Variants in GPC6 observed in about 807,000 individuals in gnomAD.
The protein encoded by GPC6 is glypican 6.
GPC6 carries 14 observed loss-of-function variants against 55.2 expected under a neutral mutation model. The ratio of observed to expected loss-of-function variants is 0.25; its 90% CI spans 0.17 to 0.40. The LOEUF is 0.40. Ranked by LOEUF, GPC6 falls within the 10% of genes least tolerant of loss-of-function variation. GPC6 has a pLI of 1.00. For missense variants in GPC6, 641 were observed against 708.5 expected (o/e 0.90, Z 1.08); for synonymous variants, 278 against 259.6 (o/e 1.07, Z -0.68).
At chr13:93,722,862 T>G (rs922833416) in intron 2 of GPC6, among the ~76,000 whole-genome samples, 3 of 151,854 alleles carry the variant, frequency 2.0e-5, no homozygotes, top group Non-Finnish European at 4.4e-5. Flanking sequence ...CATCATTGCC[T>G]GTCCCTCTTC....
intron 7 of GPC6, among the ~76,000 whole-genome samples, chr13:94,387,472 T>C (rs17253885): frequency 0.056 from 8,492 of 152,308 alleles, 336 homozygotes; most frequent in South Asian, 0.19. Flanking sequence ...ATAATCTCAA[T>C]ACAAATAGTT....
chr13:94,091,037 C>T lies in GPC6; in HGVS notation c.877+63143C>T, dbSNP rs570379330. 3.9e-5 allele frequency among the ~76,000 whole-genome samples: 6 copies of T among 152,216 alleles called. No individual in the cohort carries two copies. In the South Asian group the frequency reaches 1.0e-3, roughly 26 times the overall value. ...GTCACAAAATGTCAGTCAATGGGTGCTAATGTGTTTCTATCATTTCATCAA... is the reference window on the plus strand; with the variant it reads ...GTCACAAAATGTCAGTCAATGGGTGTTAATGTGTTTCTATCATTTCATCAA... On this transcript the variant is annotated intron_variant, in intron 4 of 8. Transcript: ENST00000377047.
chr13:94,126,740 C>G (rs1379865832), intron 4 of GPC6, among the ~76,000 whole-genome samples: 1 of 152,058 alleles, frequency 6.6e-6, no homozygotes, highest in African/African-American at 2.4e-5. Flanking sequence ...TGTTTTTGGA[C>G]CTGTACACTT....
At chr13:94,048,486 G>A (rs74111421) in intron 4 of GPC6, among the ~76,000 whole-genome samples, 3,621 of 151,972 alleles carry the variant, frequency 0.024, 149 homozygotes, top group African/African-American at 0.078. Context: ...ATGAGCAGTG[G>A]GCGCCATTTG....
At chr13:93,623,963 C>T (rs1879080980) in intron 2 of GPC6, among the ~76,000 whole-genome samples, 1 of 151,776 alleles carries the variant, frequency 6.6e-6, no homozygotes, top group Non-Finnish European at 1.5e-5. Flanking sequence ...TATTTGTGTT[C>T]CTTGAATATT....
At chr13:93,489,721 C>T (rs889117112) in intron 1 of GPC6, among the ~76,000 whole-genome samples, 1 of 151,400 alleles carries the variant, frequency 6.6e-6, no homozygotes, top group African/African-American at 2.4e-5. Flanking sequence ...GTATTTTATT[C>T]TCTTTGAAGC....
At chr13:93,860,710 T>A (rs917161542) in intron 3 of GPC6, among the ~76,000 whole-genome samples, 1 of 151,636 alleles carries the variant, frequency 6.6e-6, no homozygotes, top group Non-Finnish European at 1.5e-5. Flanking sequence ...CATTAACTTG[T>A]GTATGTGTTA....
intron 4 of GPC6, among the ~76,000 whole-genome samples, chr13:94,154,593 GC>G (rs1887860887): frequency 6.6e-6 from 1 of 152,126 alleles, no homozygotes; most frequent in South Asian, 2.1e-4. Flanking sequence ...AAGGCTATCA[GC>G]CTTGGAATCA....
intron 2 of GPC6, among the ~76,000 whole-genome samples, chr13:93,589,920 A>G (rs113800900): frequency 5.3e-5 from 8 of 152,180 alleles, no homozygotes; most frequent in African/African-American, 1.7e-4. Context: ...AGAGCAAATC[A>G]TTTATACATA....
chr13:94,277,027 C>T (rs375396527), intron 4 of GPC6, among the ~76,000 whole-genome samples: 88 of 152,216 alleles, frequency 5.8e-4, no homozygotes, highest in Middle Eastern at 6.8e-3. Context: ...TCTTCCAAAA[C>T]GGTTGAACTA....
At chr13:93,799,606 C>T (rs985153703) in intron 2 of GPC6, among the ~76,000 whole-genome samples, 5 of 152,310 alleles carry the variant, frequency 3.3e-5, no homozygotes, top group East Asian at 1.9e-4. Flanking sequence ...GTAGAAGGCA[C>T]ATCGGATCTG....
Position 94,096,443 on chromosome 13 carries a change from A to G in GPC6, c.877+68549A>G, listed in dbSNP as rs78684720. ...CCTGCCCTTAGCCGGGCTCCTGTGT[A>G]TAAACCAATATATTTGAGAGGCTCT... is the stretch of plus-strand genomic sequence containing the variant. On this transcript the variant is annotated intron_variant, in intron 4 of 8. Transcript: ENST00000377047. Among the ~76,000 whole-genome samples the G allele has an allele frequency of 1.8e-3, 279 of 152,132 alleles. 2 individuals are homozygous for G. Among genetic ancestry groups the G allele is most frequent in the African/African-American group, 5.7e-3 (237 of 41,510 alleles).
At chr13:93,676,121 AAAAAAATATATATATATAT>A (rs1356206640) in intron 2 of GPC6, among the ~76,000 whole-genome samples, 23 of 11,988 alleles carry the variant, frequency 1.9e-3, no homozygotes, top group East Asian at 9.2e-3. Flanking sequence ...AAAAAAAAAA[AAAAAAATATATATATATAT>A]ATATATATAT....
intron 1 of GPC6, among the ~76,000 whole-genome samples, chr13:93,506,766 C>T (rs1399454847): frequency 2.0e-5 from 3 of 149,776 alleles, no homozygotes; most frequent in Non-Finnish European, 4.4e-5. Context: ...GTAGGCCGGG[C>T]GTGGTGGCTC....
intron 1 of GPC6, among the ~76,000 whole-genome samples, chr13:93,488,314 G>A (rs867178459): frequency 9.9e-5 from 15 of 152,094 alleles, no homozygotes; most frequent in African/African-American, 3.1e-4. Context: ...CTTCTTTATG[G>A]CTGCATAGTA....
intron 1 of GPC6, among the ~76,000 whole-genome samples, chr13:93,413,481 C>G (rs917576036): frequency 1.3e-5 from 2 of 151,898 alleles, no homozygotes; most frequent in Non-Finnish European, 2.9e-5. Flanking sequence ...TAAACTTAGG[C>G]CTGTCATAAA....
chr13:94,285,163 C>T (rs1892493597), intron 4 of GPC6, among the ~76,000 whole-genome samples: 1 of 152,094 alleles, frequency 6.6e-6, no homozygotes, highest in African/African-American at 2.4e-5. Flanking sequence ...GTTTATATAA[C>T]AAGGCAAATG....
intron 7 of GPC6, among the ~76,000 whole-genome samples, chr13:94,395,568 T>C (rs1167838287): frequency 6.6e-6 from 1 of 152,090 alleles, no homozygotes; most frequent in Admixed American, 6.5e-5. Context: ...ACCTGAAAAA[T>C]AGCTTAAATA....
At chr13:93,220,422 A>G in the GPC6 span, among the ~76,000 whole-genome samples, 1 of 152,372 alleles carries the variant, frequency 6.6e-6, no homozygotes, top group South Asian at 2.1e-4. Flanking sequence ...ATCATCTCTC[A>G]TAACATTAAT....
Sources: gnomAD v4.1 joint callset for allele counts (sites outside exome capture counted in the v4.1 genomes callset) on GRCh38, gnomAD v4.1.1 for gene constraint, MANE v1.5 for transcripts, NCBI Gene and HGNC (gene_info 2026-07-23, HGNC 2026-07-21) for gene names.